AP3D1: variants seen among roughly 807,000 people sequenced by gnomAD.
AP3D1 encodes the protein AP-3 complex subunit delta-1.
AP3D1 carries 51 observed loss-of-function variants against 147.6 expected under a neutral mutation model. That is an observed-to-expected ratio of 0.35 (90% confidence interval 0.28 to 0.44). AP3D1 has a LOEUF of 0.44. Among genes scored for constraint, AP3D1 ranks in the 20% least tolerant of loss-of-function variants. AP3D1 has a pLI of 1.00. For synonymous variants in AP3D1, 760 were observed against 663.0 expected (o/e 1.15, Z -2.25); for missense variants, 1,421 against 1,624.2 (o/e 0.87, Z 2.15).
chr19:2,158,597 C>T (rs1056263873), intron 1 of AP3D1, among the ~76,000 whole-genome samples: 1 of 151,674 alleles, frequency 6.6e-6, no homozygotes, highest in Non-Finnish European at 1.5e-5. Context: ...CCTGAGCCAC[C>T]GATCCCAGCT....
chr19:2,110,306 C>T (rs2018235212), intron 27 of AP3D1, 82 bp from the exon 28 acceptor site: 1 of 1,198,372 alleles, frequency 8.3e-7, no homozygotes, highest in Non-Finnish European at 1.2e-6. Flanking sequence ...TCCTCAGTCC[C>T]AAGTCCTCTG....
At chr19:2,137,688 A>G in intron 3 of AP3D1, 39 bp downstream of exon 3, 1 of 1,573,786 alleles carries the variant, frequency 6.4e-7, no homozygotes, top group Non-Finnish European at 8.7e-7. Flanking sequence ...ACCTGTAATC[A>G]CTCCCCACCC....
intron 8 of AP3D1, among the ~76,000 whole-genome samples, chr19:2,128,599 G>A (rs1183619655): frequency 1.1e-3 from 22 of 19,906 alleles, no homozygotes; most frequent in African/African-American, 2.9e-3. Flanking sequence ...CCGCCGCTCC[G>A]ACACTGCACC....
At chr19:2,156,686 T>C (rs2019648004) in intron 1 of AP3D1, among the ~76,000 whole-genome samples, 1 of 151,898 alleles carries the variant, frequency 6.6e-6, no homozygotes, top group Non-Finnish European at 1.5e-5. Context: ...CCGTCTCTAC[T>C]AAAAATACAA....
intron 1 of AP3D1, among the ~76,000 whole-genome samples, chr19:2,163,236 G>A (rs978750485): frequency 6.6e-6 from 1 of 152,088 alleles, no homozygotes; most frequent in Non-Finnish European, 1.5e-5. Flanking sequence ...ACCGCGCCCA[G>A]CTAATTTTTG....
At chr19:2,152,023 C>T (rs991408568), upstream of AP3D1, among the ~76,000 whole-genome samples, 3 of 152,328 alleles carry the variant, frequency 2.0e-5, no homozygotes, top group East Asian at 3.9e-4. Flanking sequence ...CTGTGGTTCC[C>T]GCAGCCTCAC....
At chr19:2,132,358 G>C (rs555785765) in intron 5 of AP3D1, 113 bp downstream of exon 5, 1 of 908,516 alleles carries the variant, frequency 1.1e-6, no homozygotes, top group South Asian at 1.6e-5. Context: ...GGCAGGCCAC[G>C]CACCGGGGAC....
chr19:2,110,949 G>T, intron 26 of AP3D1, 53 bp from the exon 27 acceptor site: 1 of 1,573,982 alleles, frequency 6.4e-7, no homozygotes. Flanking sequence ...ACAGGGAACA[G>T]GCACAGCCAC....
chr19:2,142,898 G>A (rs879512219), intron 1 of AP3D1, among the ~76,000 whole-genome samples: 8 of 152,030 alleles, frequency 5.3e-5, no homozygotes, highest in Non-Finnish European at 1.2e-4. Context: ...CCAAGTAGCT[G>A]GGATTACAGG....
intron 24 of AP3D1, 107 bp from the exon 25 acceptor site, chr19:2,111,935 G>T: frequency 6.5e-7 from 1 of 1,539,618 alleles, no homozygotes; most frequent in South Asian, 1.2e-5. Context: ...AGGGTCCCAC[G>T]TGCCTGGGTG....
intron 8 of AP3D1, 87 bp from the exon 9 acceptor site, chr19:2,127,288 G>A (rs956086309): frequency 1.3e-5 from 19 of 1,437,986 alleles, no homozygotes; most frequent in Admixed American, 1.7e-5. Flanking sequence ...AGCTGGAGAC[G>A]GCCTCCGCCC....
At chr19:2,121,951 C>T (rs1258744681) in intron 11 of AP3D1, 72 bp from the exon 12 acceptor site, 1 of 1,496,056 alleles carries the variant, frequency 6.7e-7, no homozygotes, top group African/African-American at 1.4e-5. Flanking sequence ...GCCCACGGCT[C>T]TCCGGGCCGG....
intron 1 of AP3D1, among the ~76,000 whole-genome samples, chr19:2,162,413 G>A (rs533109781): frequency 3.3e-5 from 5 of 150,162 alleles, no homozygotes; most frequent in Admixed American, 1.3e-4. Flanking sequence ...TTCGAATTTC[G>A]GGAGGCTGAG....
chr19:2,131,593 AGGTGGACAG>A lies in AP3D1; in HGVS notation c.462+869_462+877del, dbSNP rs1381180557. Among the ~76,000 whole-genome samples the A allele has an allele frequency of 1.7e-5, 2 of 119,856 alleles. 1 individual carries two copies. The highest frequency in any genetic ancestry group is 7.3e-5 in the African/African-American group (2 of 27,228). The allele number at this position is 119,856 out of a possible 152,430, so 78.6% of individuals were successfully genotyped here. On this transcript the variant is annotated intron_variant, in intron 5 of 31. Transcript: ENST00000643116. ...GCCCATCGGCCACGATCTAGACACCAGGTGGACAGGCAGCCACGCGGGGACAGCGCCCAT... is the reference window on the plus strand; with the variant it reads ...GCCCATCGGCCACGATCTAGACACCAGCAGCCACGCGGGGACAGCGCCCAT...
chr19:2,109,485 G>A (rs1485617089), intron 29 of AP3D1: 2 of 506,832 alleles, frequency 3.9e-6, no homozygotes, highest in East Asian at 6.8e-5. Context: ...CTGTAGGAAG[G>A]GACTGGGGGG....
In AP3D1 at chr19:2,121,325, TACAG is replaced by T. The variant is rs1319640227; in HGVS notation, c.1102-18_1102-15del. On this transcript the variant is annotated splice_polypyrimidine_tract_variant and intron_variant, in intron 12 of 31. Coordinates refer to ENST00000643116, the MANE Select transcript of AP3D1 (RefSeq NM_001261826.3). ...CTTCTTGGACACCTGGGCAAAAGTG[TACAG>T]ACAGTGGTGAGAGCGGACCCAGCCT... is the stretch of plus-strand genomic sequence containing the variant. 1.2e-6 allele frequency: 2 copies of T among 1,613,710 alleles called. No homozygotes were observed. The highest frequency in any genetic ancestry group is 2.7e-5 in the African/African-American group (2 of 74,902).
chr19:2,127,314 G>A, intron 8 of AP3D1, 113 bp from the exon 9 acceptor site: 1 of 1,185,698 alleles, frequency 8.4e-7, no homozygotes, highest in South Asian at 1.3e-5. Context: ...CTCAGGGAGT[G>A]TGCCCCAGGA....
chr19:2,112,817 C>A, intron 24 of AP3D1, 43 bp downstream of exon 24: 1 of 1,512,366 alleles, frequency 6.6e-7, no homozygotes, highest in South Asian at 1.2e-5. Flanking sequence ...GGTGCTGGGG[C>A]TCATGCAGCC....
At chr19:2,151,989 C>G (rs2019541306), upstream of AP3D1, among the ~76,000 whole-genome samples, 1 of 152,236 alleles carries the variant, frequency 6.6e-6, no homozygotes, top group Non-Finnish European at 1.5e-5. Context: ...AAACCCAACT[C>G]CTGGGTGGGT....
Sources: gnomAD v4.1 joint callset for allele counts (sites outside exome capture counted in the v4.1 genomes callset) on GRCh38, gnomAD v4.1.1 for gene constraint, MANE v1.5 for transcripts, NCBI Gene and HGNC (gene_info 2026-07-23, HGNC 2026-07-21) for gene names.